The following MPP7 variants were observed in gnomAD, a reference collection of about 807,000 sequenced individuals.
MPP7 encodes MAGUK p55 scaffold protein 7, also known as MAGUK p55 subfamily member 7.
MPP7 carries 60 observed loss-of-function variants against 76.5 expected under a neutral mutation model. The observed-to-expected ratio is 0.78, with a 90% confidence interval of 0.64 to 0.97. The LOEUF (loss-of-function observed/expected upper bound fraction) is 0.97. MPP7 is among the 50% of genes least tolerant of loss of function. The probability of loss-of-function intolerance (pLI) is 0.00; values close to 1 mark genes in which losing one functional copy is unlikely to be tolerated. For missense variants in MPP7, 641 were observed against 694.0 expected, an observed-to-expected ratio of 0.92 and a Z score of 0.86; for synonymous variants, 237 against 244.5, an observed-to-expected ratio of 0.97 and a Z score of 0.29.
intron 1 of MPP7, among the ~76,000 whole-genome samples, chr10:28,248,739 ATACT>A (rs984147194): frequency 2.6e-5 from 4 of 152,172 alleles, no homozygotes; most frequent in East Asian, 1.9e-4. Flanking sequence ...AGATACACAA[ATACT>A]TACCACTGTG....
intron 11 of MPP7, among the ~76,000 whole-genome samples, chr10:28,111,212 A>G (rs1834495396): frequency 6.6e-6 from 1 of 152,116 alleles, no homozygotes; most frequent in Non-Finnish European, 1.5e-5. Flanking sequence ...AGGAAAAAAA[A>G]AATCCACCTA....
chr10:28,084,227 AC>A (rs1416528485), intron 12 of MPP7, among the ~76,000 whole-genome samples: 2 of 152,310 alleles, frequency 1.3e-5, no homozygotes, highest in Non-Finnish European at 2.9e-5. Context: ...AAAGCACAAA[AC>A]TGAAATACAA....
intron 13 of MPP7, among the ~76,000 whole-genome samples, chr10:28,063,391 G>A (rs1311515102): frequency 6.6e-6 from 1 of 152,008 alleles, no homozygotes; most frequent in African/African-American, 2.4e-5. Context: ...GAACCCAGGA[G>A]GTGGAGGTTG....
chr10:28,256,050 C>T (rs1839774684), intron 1 of MPP7, among the ~76,000 whole-genome samples: 1 of 152,056 alleles, frequency 6.6e-6, no homozygotes, highest in African/African-American at 2.4e-5. Flanking sequence ...ATTTTCTTTG[C>T]TCTGACAATC....
rs1424786928 is a variant in MPP7, at chr10:28,319,651, G to A, written c.-132+10278C>T. Among the ~76,000 whole-genome samples the A allele has an allele frequency of 3.8e-4, 58 of 151,684 alleles. 1 individual carries two copies. The highest frequency in any genetic ancestry group is 3.8e-3 in the Admixed American group (58 of 15,208). On this transcript the variant is annotated intron_variant, in intron 2 of 11. Coordinates refer to the MPP7 transcript ENST00000441595. The stretch of plus-strand genomic sequence containing the variant: ...AATTCAGGACATAAATTCTGAGGGG[G>A]TATTTAAATGTTGACACTGCCATTT...
At chr10:28,064,469 A>G (rs1851914262) in intron 13 of MPP7, among the ~76,000 whole-genome samples, 6 of 152,222 alleles carry the variant, frequency 3.9e-5, no homozygotes, top group Admixed American at 3.9e-4. Context: ...CTGGATTACC[A>G]AGGGCACAAG....
At chr10:28,226,257 ATTT>A (rs34909406) in intron 2 of MPP7, among the ~76,000 whole-genome samples, 6 of 147,310 alleles carry the variant, frequency 4.1e-5, no homozygotes, top group African/African-American at 7.4e-5. Flanking sequence ...GGTAAAGTTA[ATTT>A]TTTTTTTTTT....
At chr10:28,073,033 T>G (rs1852310440) in intron 12 of MPP7, among the ~76,000 whole-genome samples, 1 of 152,184 alleles carries the variant, frequency 6.6e-6, no homozygotes, top group African/African-American at 2.4e-5. Flanking sequence ...CACGCATTCC[T>G]GGTCTCCACG....
intron 5 of MPP7, among the ~76,000 whole-genome samples, chr10:28,147,088 G>A (rs770650805): frequency 2.6e-5 from 4 of 152,102 alleles, no homozygotes; most frequent in Non-Finnish European, 4.4e-5. Flanking sequence ...AAAGGGGAAA[G>A]AAAGAGGAAT....
chr10:28,131,944 T>C (rs943880499), intron 5 of MPP7, among the ~76,000 whole-genome samples: 1 of 152,118 alleles, frequency 6.6e-6, no homozygotes, highest in African/African-American at 2.4e-5. Context: ...CACTGATGTA[T>C]GTAAAGAATC....
At chr10:28,150,296 G>GA (rs1440594396) in intron 3 of MPP7, among the ~76,000 whole-genome samples, 2 of 152,222 alleles carry the variant, frequency 1.3e-5, no homozygotes, top group East Asian at 3.9e-4. Context: ...GAGTCAAATG[G>GA]AAAAAACAGT....
At chr10:28,331,132 T>C (rs1253228691) in intron 1 of MPP7, among the ~76,000 whole-genome samples, 5 of 152,216 alleles carry the variant, frequency 3.3e-5, no homozygotes, top group Non-Finnish European at 7.3e-5. Context: ...GCTTGGGATC[T>C]AGCATCTAGC....
chr10:28,328,082 C>T (rs1834435371), intron 2 of MPP7, among the ~76,000 whole-genome samples: 1 of 152,098 alleles, frequency 6.6e-6, no homozygotes. Context: ...TTATTTGACT[C>T]AAACTTCTAG....
intron 2 of MPP7, among the ~76,000 whole-genome samples, chr10:28,220,258 C>A (rs1474838441): frequency 6.6e-6 from 1 of 152,104 alleles, no homozygotes; most frequent in Non-Finnish European, 1.5e-5. Context: ...GTATTCTCTA[C>A]TACCAAAATA....
In MPP7 at chr10:28,057,563, C is replaced by T. The variant is rs371323475; in HGVS notation, c.1407+932G>A. ...CAGAGCTGAGCAGATGCCAGCATCA[C>T]GCTTCCTGTACAGTCTGCAGAGCAG... On this transcript the variant is annotated intron_variant, in intron 15 of 16. Coordinates refer to ENST00000683449, the MANE Select transcript of MPP7 (RefSeq NM_001318170.2). The T allele has an allele frequency of 2.0e-4, 64 of 318,986 alleles. 2 individuals carry two copies. The highest frequency in any genetic ancestry group is 1.2e-3 in the Admixed American group (18 of 14,886). The allele number at this position is 318,986 out of a possible 1,614,324, so 19.8% of individuals were successfully genotyped here.
chr10:28,067,580 G>A (rs1390487722), intron 13 of MPP7, among the ~76,000 whole-genome samples: 1 of 152,172 alleles, frequency 6.6e-6, no homozygotes, highest in South Asian at 2.1e-4. Flanking sequence ...TTTCTTTGGA[G>A]AGTCCCAGTC....
At chr10:28,099,139 T>C (rs1357987223) in intron 11 of MPP7, among the ~76,000 whole-genome samples, 1 of 152,126 alleles carries the variant, frequency 6.6e-6, no homozygotes, top group Admixed American at 6.5e-5. Flanking sequence ...TCATTTTAGC[T>C]ACAAACATGG....
intron 5 of MPP7, among the ~76,000 whole-genome samples, chr10:28,143,496 A>G (rs2133740208): frequency 6.6e-6 from 1 of 152,276 alleles, no homozygotes; most frequent in South Asian, 2.1e-4. Context: ...ATATTAATAA[A>G]TGTTCCTTCT....
intron 1 of MPP7, among the ~76,000 whole-genome samples, chr10:28,297,631 G>A (rs992441001): frequency 3.3e-5 from 5 of 152,212 alleles, no homozygotes; most frequent in Non-Finnish European, 5.9e-5. Context: ...CCTGGGAGGC[G>A]GAGGTTGCAG....
Sources: allele counts gnomAD v4.1 joint callset (sites outside exome capture counted in the v4.1 genomes callset), GRCh38; gene constraint gnomAD v4.1.1; transcripts MANE v1.5; gene names NCBI Gene and HGNC (gene_info 2026-07-23, HGNC 2026-07-21).